Variants in COL6A3 observed in about 807,000 individuals in gnomAD.
The protein encoded by COL6A3 is collagen alpha-3(VI) chain.
COL6A3 carries 137 observed loss-of-function variants against 274.1 expected under a neutral mutation model. That is an observed-to-expected ratio of 0.50 (90% CI 0.44 to 0.58). The LOEUF (loss-of-function observed/expected upper bound fraction) is 0.58, where lower values mean the gene tolerates loss of function less well. Ranked by LOEUF, COL6A3 falls within the 20% of genes least tolerant of loss-of-function variation. The pLI, the probability that COL6A3 is intolerant of heterozygous loss-of-function variation, is 0.00. For synonymous variants in COL6A3, 1,650 were observed against 1,650.6 expected, an observed-to-expected ratio of 1.00 and a Z score of 0.01; for missense variants, 3,950 against 4,124.9, an observed-to-expected ratio of 0.96 and a Z score of 1.16.
chr2:237,394,845 C>G lies in COL6A3; in HGVS notation c.451G>C (p.Asp151His), dbSNP rs764873230. ...GVPQVIVVLT[D>H]GHSKDGLALP... ...GCAAGGCCATCCTTCGAGTGTCCATCAGTTAACACTACGATAACCTGAGGG... is the reference window on the plus strand; with the variant it reads ...GCAAGGCCATCCTTCGAGTGTCCATGAGTTAACACTACGATAACCTGAGGG... Residue 151 changes from aspartate (D) to histidine (H), a missense_variant, in exon 3 of 44, where the codon GAT (aspartate) becomes CAT (histidine). This residue lies in a region of COL6A3 where 1,934 missense variants were observed against 1,984.3 expected (regional missense o/e 0.97). Transcript: ENST00000295550. The G allele has an allele frequency of 8.7e-6, 14 of 1,614,010 alleles. No individual in the cohort carries two copies. The highest frequency in any genetic ancestry group is 1.2e-5 in the Non-Finnish European group (14 of 1,179,888).
rs2077072825 is a variant in COL6A3 at position 237,345,173 on chromosome 2, C to A, written c.7125+8G>T. The A allele has an allele frequency of 6.2e-7, 1 of 1,614,134 alleles. No individual in the cohort carries two copies. Among genetic ancestry groups the A allele is most frequent in the Non-Finnish European group, 8.5e-7 (1 of 1,180,036 alleles). On this transcript the variant is annotated splice_region_variant and intron_variant, in intron 33 of 43. Coordinates refer to ENST00000295550, the MANE Select transcript of COL6A3 (RefSeq NM_004369.4). Reference sequence around the variant, plus strand: ...GTTAATGAGTCATTCTGGACACATGCAACTTACATCGATGGAGTCGCCCCT... The same window carrying A: ...GTTAATGAGTCATTCTGGACACATGAAACTTACATCGATGGAGTCGCCCCT...
chr2:237,392,861 A>G (rs2078326907), intron 3 of COL6A3, among the ~76,000 whole-genome samples: 4 of 152,130 alleles, frequency 2.6e-5, no homozygotes, highest in Non-Finnish European at 5.9e-5. Context: ...TATAGTTCCT[A>G]CACATCTGAG....
At chr2:237,372,473 G>T (rs781750054) in intron 8 of COL6A3, 136 bp from the exon 9 acceptor site, 17 of 1,534,650 alleles carry the variant, frequency 1.1e-5, no homozygotes, top group Non-Finnish European at 1.5e-5. Flanking sequence ...AGTCCAAGAA[G>T]TGGGAGTCCT....
In COL6A3 at chr2:237,344,282, C is replaced by T. The variant is rs570698143; in HGVS notation, c.7668+68G>A. 10 of 1,610,394 alleles carry T rather than the reference C, an allele frequency of 6.2e-6. No individual in the cohort carries two copies. Among genetic ancestry groups the T allele is most frequent in the Admixed American group, 3.3e-5 (2 of 60,014 alleles). On this transcript the variant is annotated intron_variant, in intron 36 of 43. Coordinates refer to ENST00000295550, the MANE Select transcript of COL6A3 (RefSeq NM_004369.4). This position sits in a 1 kb window ranked among gnomAD's most constrained non-coding sequence, Gnocchi z 4.8. ...ACATGAAGCCACAAAGGAGCATGGACGTGTCTGAGAACCTTCTCAGAGCCC... is the reference window on the plus strand; with the variant it reads ...ACATGAAGCCACAAAGGAGCATGGATGTGTCTGAGAACCTTCTCAGAGCCC...
At chr2:237,354,168 C>T (rs532751596) in intron 24 of COL6A3, among the ~76,000 whole-genome samples, 2 of 152,188 alleles carry the variant, frequency 1.3e-5, no homozygotes, top group African/African-American at 4.8e-5. Flanking sequence ...TACAAGCATG[C>T]ACCACCACGC....
chr2:237,371,674 C>T lies in COL6A3; in HGVS notation c.4285+58G>A. Reference sequence around the variant, plus strand: ...TATTATGAGTACCATGGCCTTTGAGCCTGTTATTTTTCATATGGAAAATGC... The same window carrying T: ...TATTATGAGTACCATGGCCTTTGAGTCTGTTATTTTTCATATGGAAAATGC... On this transcript the variant is annotated intron_variant, in intron 9 of 43. Transcript: ENST00000295550. The surrounding 1 kb of genome is among the most constrained non-coding windows in gnomAD (Gnocchi z 4.3). 1 of 1,530,374 alleles carries T rather than the reference C, an allele frequency of 6.5e-7. No homozygotes were observed. The allele number at this position is 1,530,374 out of a possible 1,614,324, so 94.8% of individuals were successfully genotyped here.
In COL6A3 at chr2:237,368,722, T is replaced by G; in HGVS notation, c.4741A>C (p.Thr1581Pro). 1 of 1,614,172 alleles carries G rather than the reference T, an allele frequency of 6.2e-7. No homozygotes were observed. Among genetic ancestry groups the G allele is most frequent in the Non-Finnish European group, 8.5e-7 (1 of 1,180,022 alleles). The change falls in exon 10 of 44, where the codon ACA (threonine) becomes CCA (proline). Residue 1581 changes from threonine (T) to proline (P), a missense_variant. Physicochemically the swap from Thr to Pro is conservative, Grantham distance 38 (BLOSUM62 -1). Around this residue, in one of 5 missense-constraint regions of COL6A3, gnomAD observed 632 missense variants for 623.4 expected, o/e 1.01. Coordinates refer to ENST00000295550, the MANE Select transcript of COL6A3 (RefSeq NM_004369.4). The surrounding 1 kb of genome is among the most constrained non-coding windows in gnomAD (Gnocchi z 4.4). ...TCATTGGTGATGGTCTGCAGCTCTG[T>G]TCTGTCGATGTTCCGGTCTCCTACC... ...LGVGDRNIDR[T>P]ELQTITNDPR... is the part of the protein sequence containing the mutation.
intron 42 of COL6A3, 133 bp from the exon 43 acceptor site, chr2:237,325,857 C>G (rs1402573012): frequency 5.8e-6 from 4 of 690,132 alleles, no homozygotes; most frequent in Non-Finnish European, 9.7e-6. Context: ...GTGAAAACTC[C>G]CTTAACCTGC....
intron 25 of COL6A3, 107 bp downstream of exon 25, chr2:237,353,234 T>A (rs2106334335): frequency 9.5e-7 from 1 of 1,057,170 alleles, no homozygotes; most frequent in East Asian, 2.6e-5. Flanking sequence ...GCCACTGGAT[T>A]GTTCACTTTA....
intron 1 of COL6A3, among the ~76,000 whole-genome samples, chr2:237,410,085 AT>A (rs1165095855): frequency 6.6e-6 from 1 of 152,174 alleles, no homozygotes; most frequent in Non-Finnish European, 1.5e-5. Context: ...ACAATCATGT[AT>A]TGAAATATCA....
Position 237,376,773 on chromosome 2 carries a change from T to C in COL6A3, c.3069A>G (p.Pro1023=). Residue 1023 remains proline (P), a splice_region_variant and synonymous_variant, in exon 7 of 44, where the codon CCA becomes CCG. Transcript: ENST00000295550. ...LKSVHNGAPA[P]VSGEKDVVFL... is the part of the protein sequence containing the mutation. ...GCAACTAGCATTTCTCTACCATACCTGGTGCTGGTGCTCCGTTGTGCACTG... is the reference window on the plus strand; with the variant it reads ...GCAACTAGCATTTCTCTACCATACCCGGTGCTGGTGCTCCGTTGTGCACTG... 1 of 1,614,106 alleles carries C rather than the reference T, an allele frequency of 6.2e-7. No homozygotes were observed. Among genetic ancestry groups the C allele is most frequent in the Non-Finnish European group, 8.5e-7 (1 of 1,179,934 alleles).
At chr2:237,373,291 G>T (rs1298254760) in intron 8 of COL6A3, among the ~76,000 whole-genome samples, 1 of 152,184 alleles carries the variant, frequency 6.6e-6, no homozygotes, top group African/African-American at 2.4e-5. Context: ...CATCACAGAG[G>T]CCTCCTGCAG....
Position 237,344,008 on chromosome 2 carries a change from G to T in COL6A3, c.7668+342C>A. Reference sequence around the variant, plus strand: ...GGGCCATCTTGGGAGGAGACAGGAAGGATGCAAACGTCCAGGTCCTCATGA... The same window carrying T: ...GGGCCATCTTGGGAGGAGACAGGAATGATGCAAACGTCCAGGTCCTCATGA... On this transcript the variant is annotated intron_variant, in intron 36 of 43. Coordinates refer to ENST00000295550, the MANE Select transcript of COL6A3 (RefSeq NM_004369.4). The surrounding 1 kb of genome is among the most constrained non-coding windows in gnomAD (Gnocchi z 4.8). 2.6e-6 allele frequency: 1 copy of T among 390,198 alleles called. No individual in the cohort carries two copies. Among genetic ancestry groups the T allele is most frequent in the South Asian group, 2.2e-5 (1 of 46,488 alleles). The allele number at this position is 390,198 out of a possible 1,614,324, so 24.2% of individuals were successfully genotyped here.
intron 28 of COL6A3, among the ~76,000 whole-genome samples, chr2:237,349,406 G>A (rs561968792): frequency 6.6e-6 from 1 of 152,330 alleles, no homozygotes; most frequent in Middle Eastern, 3.4e-3. Context: ...TTTGAAGTCT[G>A]ATTTTTTCCC....
chr2:237,366,110 G>A (rs2077546072), intron 11 of COL6A3, 75 bp from the exon 12 acceptor site: 1 of 1,316,650 alleles, frequency 7.6e-7, no homozygotes, highest in Admixed American at 1.7e-5. Flanking sequence ...CCAGCAGTAG[G>A]GACAACCCAG....
chr2:237,375,564 C>A (rs2077816034), intron 7 of COL6A3, among the ~76,000 whole-genome samples: 1 of 152,104 alleles, frequency 6.6e-6, no homozygotes, highest in Non-Finnish European at 1.5e-5. Context: ...GGGGGGTGGA[C>A]AGAATTTCGC....
At chr2:237,342,314 T>G in intron 36 of COL6A3, 153 bp from the exon 37 acceptor site, 3 of 697,942 alleles carry the variant, frequency 4.3e-6, no homozygotes, top group East Asian at 2.7e-5. Context: ...GGGGGTGGGG[T>G]TAGGCTCTGA....
chr2:237,409,533 T>TTTTG (rs57264738), intron 1 of COL6A3, among the ~76,000 whole-genome samples: 4,870 of 151,986 alleles, frequency 0.032, 238 homozygotes, highest in African/African-American at 0.11. Flanking sequence ...TTTTTGTTTT[T>TTTTG]TTTGTTTGTT....
rs116608946 is a variant in COL6A3, at chr2:237,350,158, G to A, written c.6868C>T (p.Arg2290Cys). Residue 2290 changes from arginine (R) to cysteine (C), a missense_variant, in exon 28 of 44, where the codon CGT becomes TGT. Arg to Cys is a radical substitution (Grantham distance 180). Around this residue, in one of 5 missense-constraint regions of COL6A3, gnomAD observed 1,284 missense variants for 1,349.7 expected, o/e 0.95. Coordinates refer to ENST00000295550, the MANE Select transcript of COL6A3 (RefSeq NM_004369.4). ...CGCTGTGACCTTACCGTCTCCCCAC[G>A]AGGGCCCCGGTTCCCGATTCCTCCT... is the stretch of plus-strand genomic sequence containing the variant. ...PKGGIGNRGPRGETGDDGRDG... is the reference protein window; with the variant it reads ...PKGGIGNRGPCGETGDDGRDG... 1.1e-4 allele frequency: 179 copies of A among 1,614,034 alleles called. No individual in the cohort carries two copies. In the Middle Eastern group the frequency reaches 2.3e-3, roughly 21 times the overall value.
Sources: gnomAD v4.1 joint callset for allele counts (sites outside exome capture counted in the v4.1 genomes callset) on GRCh38, gnomAD v4.1.1 for gene constraint, gnomAD v4.1.1 regional missense constraint, Gnocchi (gnomAD v3.1) non-coding constraint, MANE v1.5 for transcripts, NCBI Gene and HGNC (gene_info 2026-07-23, HGNC 2026-07-21) for gene names.